Variants in GPHN observed in about 807,000 individuals in gnomAD.
GPHN encodes gephyrin.
A neutral mutation model predicts 95.5 loss-of-function variants in GPHN; 17 were observed. The observed-to-expected ratio is 0.18, with a 90% CI of 0.12 to 0.27. GPHN has a LOEUF of 0.27. Ranked by LOEUF, GPHN falls within the 10% of genes least tolerant of loss-of-function variation. GPHN has a pLI of 1.00. For synonymous variants in GPHN, 320 were observed against 322.5 expected (o/e 0.99, Z 0.08); for missense variants, 660 against 978.1 (o/e 0.67, Z 4.34).
At position 66,934,336 on chromosome 14, in the gene GPHN, A is replaced by C. The variant is rs534902985; in HGVS notation, c.828+10044A>C. ...TAATCAGCTTGCTATTTCAGGAGAT[A>C]GAGACTTAAGAAATTCCTCTTGTAA... On this transcript the variant is annotated intron_variant, in intron 8 of 22. Transcript: ENST00000478722. Among the ~76,000 whole-genome samples, 4 of 152,310 alleles carry C rather than the reference A, an allele frequency of 2.6e-5. No individual in the cohort carries two copies. The East Asian group carries it at 5.8e-4, about 22-fold the overall frequency.
At chr14:67,183,917 AT>A (rs1333278104), downstream of GPHN, among the ~76,000 whole-genome samples, 1 of 151,488 alleles carries the variant, frequency 6.6e-6, no homozygotes, top group Non-Finnish European at 1.5e-5. Context: ...CAGTGGCATG[AT>A]CTCAACTCAC....
the GPHN span, among the ~76,000 whole-genome samples, chr14:67,673,056 G>A: frequency 1.3e-5 from 2 of 152,128 alleles, no homozygotes; most frequent in Admixed American, 1.3e-4. Flanking sequence ...CTGTTCAAAC[G>A]CCATCTCCTC....
chr14:67,307,620 C>A, the GPHN span, among the ~76,000 whole-genome samples: 1 of 151,990 alleles, frequency 6.6e-6, no homozygotes, highest in African/African-American at 2.4e-5. Flanking sequence ...ACATTTATTT[C>A]TTGGTGGATG....
intron 2 of GPHN, among the ~76,000 whole-genome samples, chr14:66,722,542 C>G (rs1278388462): frequency 6.6e-6 from 1 of 152,096 alleles, no homozygotes; most frequent in African/African-American, 2.4e-5. Flanking sequence ...CTCCTGGGCT[C>G]AAGTGATCCT....
chr14:66,603,355 T>C (rs1203551924), intron 1 of GPHN, among the ~76,000 whole-genome samples: 2 of 151,926 alleles, frequency 1.3e-5, no homozygotes, highest in Non-Finnish European at 2.9e-5. Context: ...ATCTATACTA[T>C]TTTACAAACT....
chr14:67,579,676 C>T, the GPHN span: 1 of 1,593,376 alleles, frequency 6.3e-7, no homozygotes, highest in African/African-American at 1.3e-5. Context: ...TAGTGAGCTC[C>T]TCTCAGGAGG....
intron 2 of GPHN, among the ~76,000 whole-genome samples, chr14:66,730,898 T>C (rs2071706386): frequency 6.6e-6 from 1 of 152,234 alleles, no homozygotes; most frequent in Admixed American, 6.5e-5. Context: ...AATCCCCATG[T>C]GTCAAGGGAA....
chr14:66,756,647 C>T (rs2058566677), intron 2 of GPHN, among the ~76,000 whole-genome samples: 3 of 152,142 alleles, frequency 2.0e-5, no homozygotes, highest in Admixed American at 1.3e-4. Flanking sequence ...TTTGTTTTTA[C>T]TGTCTTTTGG....
At chr14:66,780,974 A>T (rs1476525225) in intron 3 of GPHN, among the ~76,000 whole-genome samples, 1 of 152,198 alleles carries the variant, frequency 6.6e-6, no homozygotes, top group African/African-American at 2.4e-5. Context: ...TATTTTTGTT[A>T]TTAAAATAAT....
At chr14:66,561,090 G>A (rs1298204289) in intron 1 of GPHN, among the ~76,000 whole-genome samples, 1 of 152,166 alleles carries the variant, frequency 6.6e-6, no homozygotes, top group African/African-American at 2.4e-5. Context: ...CAGGGATGAA[G>A]CCCACTTGAT....
Position 67,100,920 on chromosome 14 carries a change from G to C in GPHN, c.1293+9G>C. 1 of 1,537,346 alleles carries C rather than the reference G, an allele frequency of 6.5e-7. No individual in the cohort carries two copies. The highest frequency in any genetic ancestry group is 9.0e-7 in the Non-Finnish European group (1 of 1,109,980). ...CCCAAGCTGGTGAACAGGTGAGATTGATAGGCCTGAAAGGCACTGAAGATT... is the reference window on the plus strand; with the variant it reads ...CCCAAGCTGGTGAACAGGTGAGATTCATAGGCCTGAAAGGCACTGAAGATT... On this transcript the variant is annotated intron_variant, in intron 13 of 22. Transcript: ENST00000478722.
At chr14:66,724,723 C>T (rs1227379433) in intron 2 of GPHN, among the ~76,000 whole-genome samples, 1 of 152,204 alleles carries the variant, frequency 6.6e-6, no homozygotes, top group Non-Finnish European at 1.5e-5. Context: ...ATGCCTTCAG[C>T]TTAGAATATT....
intron 1 of GPHN, among the ~76,000 whole-genome samples, chr14:66,537,227 A>G (rs986223697): frequency 1.3e-5 from 2 of 151,888 alleles, no homozygotes; most frequent in Non-Finnish European, 2.9e-5. Flanking sequence ...TAGGTATTCT[A>G]TTTACATTTA....
the GPHN span, among the ~76,000 whole-genome samples, chr14:67,731,507 G>T: frequency 1.3e-5 from 2 of 151,790 alleles, no homozygotes; most frequent in African/African-American, 4.8e-5. Context: ...GAGCCACTGC[G>T]CCTGGTCTTC....
intron 17 of GPHN, among the ~76,000 whole-genome samples, chr14:67,142,419 C>G (rs2080525377): frequency 1.3e-5 from 2 of 152,150 alleles, no homozygotes; most frequent in South Asian, 4.1e-4. Context: ...TAGGACTTTT[C>G]AACTGTTCTG....
chr14:66,983,432 ATTCT>A (rs2070812359), intron 9 of GPHN, among the ~76,000 whole-genome samples: 1 of 152,146 alleles, frequency 6.6e-6, no homozygotes, highest in Non-Finnish European at 1.5e-5. Flanking sequence ...TCCTTTTCAA[ATTCT>A]TTCTGAAGTT....
chr14:67,243,928 T>C, the GPHN span, among the ~76,000 whole-genome samples: 1 of 152,226 alleles, frequency 6.6e-6, no homozygotes, highest in Non-Finnish European at 1.5e-5. Flanking sequence ...AAGTAATCCG[T>C]AGTCTGACTG....
chr14:67,445,763 T>C, the GPHN span, among the ~76,000 whole-genome samples: 1 of 151,696 alleles, frequency 6.6e-6, no homozygotes, highest in African/African-American at 2.4e-5. Context: ...TTTTGTATTT[T>C]TTTTGTAGAG....
chr14:67,546,858 G>A, the GPHN span, among the ~76,000 whole-genome samples: 1 of 152,132 alleles, frequency 6.6e-6, no homozygotes, highest in Non-Finnish European at 1.5e-5. Context: ...GCAAAATCCT[G>A]TCTCAAAGGA....
Sources: allele counts gnomAD v4.1 joint callset (sites outside exome capture counted in the v4.1 genomes callset), GRCh38; gene constraint gnomAD v4.1.1; transcripts MANE v1.5; gene names NCBI Gene and HGNC (gene_info 2026-07-23, HGNC 2026-07-21).